Variants in SHTN1 observed in about 807,000 individuals in gnomAD.
SHTN1 encodes shootin-1.
In SHTN1, 42 loss-of-function variants were observed where a neutral mutation model predicts 83.1. The observed-to-expected ratio is 0.51, with a 90% CI of 0.39 to 0.65. The LOEUF is 0.65. SHTN1 is among the 30% of genes least tolerant of loss of function. The pLI is 0.00. For missense variants in SHTN1, 622 were observed against 737.8 expected, an observed-to-expected ratio of 0.84 and a Z score of 1.82; for synonymous variants, 224 against 247.7, an observed-to-expected ratio of 0.90 and a Z score of 0.90.
chr10:116,947,809 T>G (rs894856619), intron 7 of SHTN1, among the ~76,000 whole-genome samples: 1 of 152,220 alleles, frequency 6.6e-6, no homozygotes, highest in Non-Finnish European at 1.5e-5. Context: ...TGATTAATCC[T>G]TGCAGAACCC....
rs78756315 is a variant in SHTN1, at chr10:116,999,192, A to G, written c.58+5830T>C. Among the ~76,000 whole-genome samples the G allele has an allele frequency of 6.2e-3, 938 of 152,368 alleles. 11 individuals carry two copies. The highest frequency in any genetic ancestry group is 0.022 in the African/African-American group (899 of 41,590). On this transcript the variant is annotated intron_variant, in intron 1 of 16. Transcript: ENST00000355371. ...AGATAGAAATGTCCATCCAGAGGAC[A>G]TTAAATACATTGTGGTACGTCTGTA...
At chr10:117,009,173 G>T (rs1356670581), upstream of SHTN1, among the ~76,000 whole-genome samples, 3 of 151,792 alleles carry the variant, frequency 2.0e-5, no homozygotes, top group Admixed American at 1.3e-4. Flanking sequence ...AAAGGAGAAA[G>T]AAGTCAAAAT....
At chr10:116,903,623 T>C (rs1273615054) in intron 15 of SHTN1, among the ~76,000 whole-genome samples, 1 of 152,200 alleles carries the variant, frequency 6.6e-6, no homozygotes, top group African/African-American at 2.4e-5. Context: ...GAAAGATCAA[T>C]TAATTTTAGA....
At chr10:116,993,385 A>G (rs1851514818) in intron 1 of SHTN1, among the ~76,000 whole-genome samples, 1 of 152,088 alleles carries the variant, frequency 6.6e-6, no homozygotes, top group East Asian at 1.9e-4. Context: ...GAAATTTCAC[A>G]TTGGCTTAAA....
intron 2 of SHTN1, among the ~76,000 whole-genome samples, chr10:117,033,852 G>C (rs1290311393): frequency 6.6e-6 from 1 of 152,080 alleles, no homozygotes; most frequent in East Asian, 1.9e-4. Flanking sequence ...ATTTATTCCT[G>C]GGATGCAATA....
chr10:117,069,023 T>C (rs1853043445), intron 1 of SHTN1, among the ~76,000 whole-genome samples: 1 of 151,970 alleles, frequency 6.6e-6, no homozygotes, highest in African/African-American at 2.4e-5. Flanking sequence ...GGGAGGTGAA[T>C]GGAAACTGGC....
At chr10:116,943,092 A>T (rs1849445581) in intron 8 of SHTN1, among the ~76,000 whole-genome samples, 1 of 152,216 alleles carries the variant, frequency 6.6e-6, no homozygotes, top group Non-Finnish European at 1.5e-5. Flanking sequence ...GCCACTGCAA[A>T]TATTTATGCT....
intron 1 of SHTN1, among the ~76,000 whole-genome samples, chr10:117,050,996 G>T (rs1852732336): frequency 6.6e-6 from 1 of 152,212 alleles, no homozygotes; most frequent in Non-Finnish European, 1.5e-5. Flanking sequence ...GATTGAGGCT[G>T]CAGTGATGTC....
intron 16 of SHTN1, among the ~76,000 whole-genome samples, chr10:116,888,857 C>T (rs1019581973): frequency 2.0e-5 from 3 of 152,216 alleles, no homozygotes; most frequent in Non-Finnish European, 4.4e-5. Context: ...ATTTATCTGT[C>T]GGCAACTCTA....
At chr10:116,905,990 G>A (rs973946812) in intron 15 of SHTN1, among the ~76,000 whole-genome samples, 1 of 152,202 alleles carries the variant, frequency 6.6e-6, no homozygotes, top group Admixed American at 6.5e-5. Flanking sequence ...CAGTGACAGA[G>A]CTGGAATTTC....
At chr10:117,005,311 G>C, upstream of SHTN1, 1 of 1,395,938 alleles carries the variant, frequency 7.2e-7, no homozygotes, top group East Asian at 2.8e-5. Context: ...GGGCCCAGCA[G>C]TCCCGTTCAG....
intron 1 of SHTN1, among the ~76,000 whole-genome samples, chr10:117,104,337 G>A (rs1360420791): frequency 3.9e-5 from 6 of 152,138 alleles, no homozygotes; most frequent in Admixed American, 1.3e-4. Flanking sequence ...TTGCACAGCA[G>A]TACACCACAT....
chr10:116,909,524 A>C (rs1848107278), intron 14 of SHTN1, among the ~76,000 whole-genome samples: 1 of 152,206 alleles, frequency 6.6e-6, no homozygotes, highest in African/African-American at 2.4e-5. Context: ...AGGTGACTCA[A>C]AAGGTTTCAT....
chr10:117,108,219 AG>A (rs1447746085), intron 1 of SHTN1, among the ~76,000 whole-genome samples: 1 of 152,208 alleles, frequency 6.6e-6, no homozygotes, highest in Non-Finnish European at 1.5e-5. Context: ...ATACACCCAA[AG>A]GATTATAAAT....
chr10:117,029,183 G>T (rs1852371461), intron 2 of SHTN1, among the ~76,000 whole-genome samples: 1 of 152,220 alleles, frequency 6.6e-6, no homozygotes. Flanking sequence ...CTGCCCTGCT[G>T]GGTTTCAGAC....
At chr10:117,087,340 G>T (rs1175680758) in intron 1 of SHTN1, among the ~76,000 whole-genome samples, 1 of 152,152 alleles carries the variant, frequency 6.6e-6, no homozygotes, top group Non-Finnish European at 1.5e-5. Flanking sequence ...ACCCTACCGG[G>T]TACAAAGATT....
intron 2 of SHTN1, among the ~76,000 whole-genome samples, chr10:117,011,115 G>C (rs1043411281): frequency 6.6e-6 from 1 of 152,178 alleles, no homozygotes; most frequent in African/African-American, 2.4e-5. Flanking sequence ...AAAGGAGGAC[G>C]TAAAGCTATC....
intron 4 of SHTN1, among the ~76,000 whole-genome samples, chr10:116,954,535 T>C (rs907602547): frequency 2.6e-5 from 4 of 152,194 alleles, no homozygotes; most frequent in Non-Finnish European, 5.9e-5. Flanking sequence ...AGGCACTTTA[T>C]TTCAAGCAAA....
At chr10:117,064,482 C>T (rs1300033131) in intron 1 of SHTN1, among the ~76,000 whole-genome samples, 1 of 152,016 alleles carries the variant, frequency 6.6e-6, no homozygotes, top group Non-Finnish European at 1.5e-5. Flanking sequence ...AGTGAAACTC[C>T]GTCTCTACTA....
Sources: allele counts gnomAD v4.1 joint callset (sites outside exome capture counted in the v4.1 genomes callset), GRCh38; gene constraint gnomAD v4.1.1; transcripts MANE v1.5; gene names NCBI Gene and HGNC (gene_info 2026-07-23, HGNC 2026-07-21).